Variants in IARS1 observed in about 807,000 individuals in gnomAD.
IARS1 encodes isoleucyl-tRNA synthetase 1.
Under a neutral mutation model 168.2 loss-of-function variants are expected in IARS1, and 124 were observed. That is an observed-to-expected ratio of 0.74 (90% CI 0.64 to 0.86). The LOEUF (loss-of-function observed/expected upper bound fraction) is 0.86. IARS1 is among the 40% of genes least tolerant of loss of function. The pLI is 0.00. For missense variants in IARS1, 1,452 were observed against 1,515.8 expected (o/e 0.96, Z 0.70); for synonymous variants, 532 against 529.4 (o/e 1.00, Z -0.07).
At chr9:92,284,414 T>C (rs1293058357) in intron 6 of IARS1, among the ~76,000 whole-genome samples, 2 of 152,232 alleles carry the variant, frequency 1.3e-5, no homozygotes, top group Admixed American at 6.5e-5. Context: ...GGGGCCTTAA[T>C]GGGCCTACAG....
chr9:92,293,057 TTC>T (rs1210784745), intron 1 of IARS1, among the ~76,000 whole-genome samples: 2 of 152,176 alleles, frequency 1.3e-5, no homozygotes, highest in Non-Finnish European at 2.9e-5. Context: ...CTAAATCCAT[TTC>T]TGTTTCTCCT....
intron 21 of IARS1, 129 bp from the exon 22 acceptor site, chr9:92,252,014 A>C: frequency 2.8e-6 from 2 of 719,074 alleles, no homozygotes; most frequent in Non-Finnish European, 4.6e-6. Context: ...GAGACAGAGA[A>C]AGGAGAAAGG....
intron 20 of IARS1, among the ~76,000 whole-genome samples, chr9:92,255,840 A>G (rs570587149): frequency 6.6e-6 from 1 of 152,318 alleles, no homozygotes; most frequent in African/African-American, 2.4e-5. Flanking sequence ...TCAGTCAACA[A>G]TAATTTCTTG....
chr9:92,232,674 C>T (rs1472033560), intron 30 of IARS1, among the ~76,000 whole-genome samples: 1 of 152,060 alleles, frequency 6.6e-6, no homozygotes, highest in Non-Finnish European at 1.5e-5. Context: ...TATAAATTAT[C>T]AAATTAATAA....
At chr9:92,280,672 G>A in intron 7 of IARS1, 74 bp downstream of exon 7, 1 of 916,754 alleles carries the variant, frequency 1.1e-6, no homozygotes, top group African/African-American at 1.7e-5. Flanking sequence ...AAAAAGAAAG[G>A]TAAGCTTTCA....
rs1389558967 is a variant in IARS1 at position 92,289,340 on chromosome 9, C to A, written c.80G>T (p.Cys27Phe). The change falls in exon 2 of 34, where the codon TGT (cysteine) becomes TTT (phenylalanine). Residue 27 changes from cysteine to phenylalanine, a missense_variant. Coordinates refer to ENST00000443024, the MANE Select transcript of IARS1 (RefSeq NM_002161.6). ...TGATTGCTTTAAGCATTCCTGAAAA[C>A]AATTAAATTCAGTCCAAAACTCCAA... ...KILEFWTEFN[C>F]FQECLKQSKH... 1 of 1,579,014 alleles carries A rather than the reference C, an allele frequency of 6.3e-7. No homozygotes were observed. Among genetic ancestry groups the A allele is most frequent in the Non-Finnish European group, 8.7e-7 (1 of 1,151,984 alleles).
intron 17 of IARS1, among the ~76,000 whole-genome samples, chr9:92,261,715 C>CAT (rs1831552398): frequency 6.6e-6 from 1 of 151,798 alleles, no homozygotes; most frequent in Non-Finnish European, 1.5e-5. Flanking sequence ...TTATTTTTCA[C>CAT]AATTGCATGC....
intron 30 of IARS1, among the ~76,000 whole-genome samples, chr9:92,238,238 G>A (rs1442546601): frequency 6.6e-6 from 1 of 151,992 alleles, no homozygotes; most frequent in East Asian, 1.9e-4. Flanking sequence ...GCTTCTTGTG[G>A]GTTACTGATA....
At chr9:92,212,860 G>A (rs1837985143) in intron 33 of IARS1, among the ~76,000 whole-genome samples, 1 of 152,108 alleles carries the variant, frequency 6.6e-6, no homozygotes, top group Non-Finnish European at 1.5e-5. Context: ...AGATTCTGAG[G>A]CATAAGAGAA....
chr9:92,265,085 C>T lies in IARS1; in HGVS notation c.1544G>A (p.Gly515Glu). Residue 515 changes from glycine to glutamate, a missense_variant, in exon 16 of 34, where the codon GGA becomes GAA. Coordinates refer to ENST00000443024, the MANE Select transcript of IARS1 (RefSeq NM_002161.6). ...CACTTCAGAGATGCGGTGCAAGGATCCCTTCCCACAGCGTGAAGGAATGGT... is the reference window on the plus strand; with the variant it reads ...CACTTCAGAGATGCGGTGCAAGGATTCCTTCCCACAGCGTGAAGGAATGGT... Reference protein sequence around the residue: ...HLTIPSRCGKGSLHRISEVFD... With the variant: ...HLTIPSRCGKESLHRISEVFD... 6.2e-7 allele frequency: 1 copy of T among 1,614,016 alleles called. No homozygotes were observed. The highest frequency in any genetic ancestry group is 8.5e-7 in the Non-Finnish European group (1 of 1,179,954).
chr9:92,215,728 A>G (rs1214859892), intron 33 of IARS1, among the ~76,000 whole-genome samples: 5 of 151,832 alleles, frequency 3.3e-5, no homozygotes, highest in Non-Finnish European at 5.9e-5. Context: ...GAGAAAAAAG[A>G]ATAAAACGAA....
rs1471545398 is a variant in IARS1, at chr9:92,219,042, C to T, written c.3706+3478G>A. Among the ~76,000 whole-genome samples, 6 of 152,222 alleles carry T rather than the reference C, an allele frequency of 3.9e-5. No homozygotes were observed. In the South Asian group the frequency reaches 6.2e-4, roughly 16 times the overall value. The stretch of plus-strand genomic sequence containing the variant: ...AACTATACTACAAGGCTACAGTAAC[C>T]AAAACAGCATGGTACTGGTACCAAA... On this transcript the variant is annotated intron_variant, in intron 33 of 33. Transcript: ENST00000443024.
intron 2 of IARS1, 42 bp downstream of exon 2, chr9:92,289,259 A>G (rs753098089): frequency 2.5e-6 from 2 of 787,982 alleles, no homozygotes; most frequent in Non-Finnish European, 4.4e-6. Flanking sequence ...AGTCTAAGAA[A>G]TGACTATTCT....
chr9:92,279,427 TG>T (rs1564186009), intron 7 of IARS1, among the ~76,000 whole-genome samples: 1 of 152,202 alleles, frequency 6.6e-6, no homozygotes, highest in East Asian at 1.9e-4. Flanking sequence ...ATTGTGCAGA[TG>T]GGACTGTCCT....
intron 14 of IARS1, 28 bp from the exon 15 acceptor site, chr9:92,265,581 A>G: frequency 6.5e-7 from 1 of 1,538,492 alleles, no homozygotes; most frequent in Non-Finnish European, 9.0e-7. Flanking sequence ...CAATAGCAGG[A>G]GCTCCTTAGA....
At position 92,285,747 on chromosome 9, in the gene IARS1, T is replaced by TTGGAA; in HGVS notation, c.567_571dup (p.Asn191IlefsTer20). ...CTTATAATTCTGGTGTGACTCGAAG[T>TTGGAA]TGGAAAGTGGAGTGTTACATGCCGT... On this transcript the variant is annotated frameshift_variant, in exon 6 of 34. Coordinates refer to ENST00000443024, the MANE Select transcript of IARS1 (RefSeq NM_002161.6). LOFTEE classifies it high-confidence loss of function. 6.2e-7 allele frequency: 1 copy of TTGGAA among 1,609,326 alleles called. No homozygotes were observed. Among genetic ancestry groups the TTGGAA allele is most frequent in the Non-Finnish European group, 8.5e-7 (1 of 1,175,636 alleles).
chr9:92,275,524 T>C (rs956989332), intron 9 of IARS1, among the ~76,000 whole-genome samples: 8 of 152,228 alleles, frequency 5.3e-5, no homozygotes, highest in African/African-American at 1.9e-4. Context: ...TTAGAAGTTA[T>C]AGTATGATAG....
At chr9:92,254,063 C>T (rs912933316) in intron 20 of IARS1, among the ~76,000 whole-genome samples, 15 of 152,168 alleles carry the variant, frequency 9.9e-5, no homozygotes, top group African/African-American at 3.6e-4. Context: ...CACAGCCCCA[C>T]CACAGAGGAT....
rs58227589 is a variant in IARS1, at chr9:92,225,590, T to TTTTA, written c.3410-2102_3410-2101insTAAA. Among the ~76,000 whole-genome samples the TTTTA allele has an allele frequency of 5.6e-3, 843 of 151,348 alleles. 12 individuals carry two copies. Among genetic ancestry groups the TTTTA allele is most frequent in the African/African-American group, 0.02 (807 of 41,078 alleles). ...AAAAGTGTGATTTTTTTTTTTTTTTTAATCTACTAGGGTCTTTATTTGGAA... is the reference window on the plus strand; with the variant it reads ...AAAAGTGTGATTTTTTTTTTTTTTTTTTTAAATCTACTAGGGTCTTTATTTGGAA... On this transcript the variant is annotated intron_variant, in intron 31 of 33. Transcript: ENST00000443024.
Sources: gnomAD v4.1 joint callset for allele counts (sites outside exome capture counted in the v4.1 genomes callset) on GRCh38, gnomAD v4.1.1 for gene constraint, MANE v1.5 for transcripts, NCBI Gene and HGNC (gene_info 2026-07-23, HGNC 2026-07-21) for gene names.